The following SYNDIG1 variants were observed in gnomAD, a reference collection of about 807,000 sequenced individuals.
SYNDIG1 encodes the protein synapse differentiation-inducing gene protein 1.
In SYNDIG1, 9 loss-of-function variants were observed where a neutral mutation model predicts 19.4. The ratio of observed to expected loss-of-function variants is 0.46; its 90% CI spans 0.28 to 0.81. The LOEUF is 0.81. Ranked by LOEUF, SYNDIG1 falls within the 30% of genes least tolerant of loss-of-function variation. The pLI is 0.12. For synonymous variants in SYNDIG1, 141 were observed against 145.9 expected (o/e 0.97, Z 0.24); for missense variants, 311 against 343.3 (o/e 0.91, Z 0.74).
intron 1 of SYNDIG1, among the ~76,000 whole-genome samples, chr20:24,505,562 A>AT (rs1216866694): frequency 9.2e-5 from 14 of 152,332 alleles, no homozygotes. Context: ...TTTTAATAAA[A>AT]TTTAAATTGC....
chr20:24,539,640 T>A (rs1317666982), intron 1 of SYNDIG1, among the ~76,000 whole-genome samples: 1 of 152,248 alleles, frequency 6.6e-6, no homozygotes, highest in Non-Finnish European at 1.5e-5. Flanking sequence ...TTGCTACTGA[T>A]CGCACTGAAT....
In SYNDIG1 at chr20:24,517,805, T is replaced by TTA. The variant is rs113490676; in HGVS notation, c.-78-25201_-78-25200dup. Among the ~76,000 whole-genome samples the TTA allele has an allele frequency of 9.9e-3, 1,411 of 143,150 alleles. 26 individuals carry two copies. The highest frequency in any genetic ancestry group is 0.034 in the African/African-American group (1,329 of 38,744). 93.9% of individuals were successfully genotyped at this position (143,150 alleles called of 152,430 possible). A position where few individuals can be genotyped will look rare whatever the true frequency, so the allele number is the denominator to read the frequency against. On this transcript the variant is annotated intron_variant, in intron 1 of 3. Transcript: ENST00000376862. ...CACATTTTTTTTGAAAAAATATTTT[T>TTA]TATATATATATATATTTTGAGAGGG...
intron 1 of SYNDIG1, among the ~76,000 whole-genome samples, chr20:24,481,491 A>T (rs531099103): frequency 6.6e-5 from 10 of 152,324 alleles, no homozygotes; most frequent in Middle Eastern, 3.4e-3. Context: ...GTGAGTGTGA[A>T]CATGGTCAAG....
At chr20:24,586,636 G>A (rs1255996450) in intron 3 of SYNDIG1, among the ~76,000 whole-genome samples, 7 of 152,302 alleles carry the variant, frequency 4.6e-5, no homozygotes, top group East Asian at 1.9e-4. Context: ...ACGCACCCCC[G>A]AAGCCTCCCT....
intron 1 of SYNDIG1, among the ~76,000 whole-genome samples, chr20:24,499,137 G>T (rs2056378261): frequency 6.6e-6 from 1 of 152,186 alleles, no homozygotes; most frequent in Non-Finnish European, 1.5e-5. Context: ...TGATTCTCCT[G>T]CCTCAGCCTC....
intron 2 of SYNDIG1, among the ~76,000 whole-genome samples, chr20:24,557,094 G>A (rs940179816): frequency 5.3e-5 from 8 of 151,756 alleles, no homozygotes; most frequent in Admixed American, 2.6e-4. Context: ...CCACTTGATC[G>A]CATCAGCTCC....
chr20:24,620,138 A>G (rs1247381446), intron 3 of SYNDIG1, among the ~76,000 whole-genome samples: 3 of 152,234 alleles, frequency 2.0e-5, no homozygotes, highest in African/African-American at 7.2e-5. Context: ...AGTATTTTAT[A>G]CACAACTCCA....
intron 3 of SYNDIG1, among the ~76,000 whole-genome samples, chr20:24,653,140 G>A (rs1189129006): frequency 6.6e-6 from 1 of 152,162 alleles, no homozygotes; most frequent in African/African-American, 2.4e-5. Context: ...TTAAGTTATG[G>A]TAAAAGAATA....
intron 1 of SYNDIG1, among the ~76,000 whole-genome samples, chr20:24,485,307 G>A (rs559736468): frequency 2.9e-4 from 44 of 152,338 alleles, no homozygotes; most frequent in African/African-American, 8.7e-4. Context: ...ATCTTCTAGA[G>A]TGTGGTGCTA....
chr20:24,542,163 T>C (rs2057481290), intron 1 of SYNDIG1, among the ~76,000 whole-genome samples: 1 of 141,218 alleles, frequency 7.1e-6, no homozygotes, highest in South Asian at 2.3e-4. Flanking sequence ...TACTCAAAAT[T>C]GAAAAAATTC....
chr20:24,480,128 G>C (rs6083531), intron 1 of SYNDIG1, among the ~76,000 whole-genome samples: 1 of 152,154 alleles, frequency 6.6e-6, no homozygotes, highest in Non-Finnish European at 1.5e-5. Flanking sequence ...CCTCTTCCCA[G>C]CATCCTTCCT....
rs970855140 is a variant in SYNDIG1, at chr20:24,499,638, C to T, written c.-79+29885C>T. ...TAGAAGTGACATGTACGGACTGAGTCGGTCGGTACCTGTCCAGATTCACTG... is the reference window on the plus strand; with the variant it reads ...TAGAAGTGACATGTACGGACTGAGTTGGTCGGTACCTGTCCAGATTCACTG... On this transcript the variant is annotated intron_variant, in intron 1 of 3. Transcript: ENST00000376862. Among the ~76,000 whole-genome samples, 5 of 151,910 alleles carry T rather than the reference C, an allele frequency of 3.3e-5. No individual in the cohort carries two copies. The South Asian group carries it at 6.2e-4, about 19-fold the overall frequency.
chr20:24,493,986 CG>C (rs2056228447), intron 1 of SYNDIG1, among the ~76,000 whole-genome samples: 2 of 152,184 alleles, frequency 1.3e-5, no homozygotes, highest in East Asian at 3.9e-4. Context: ...GGGACAGAGC[CG>C]CGGATACTGG....
intron 1 of SYNDIG1, among the ~76,000 whole-genome samples, chr20:24,490,388 G>T (rs1430443858): frequency 6.6e-6 from 1 of 152,144 alleles, no homozygotes; most frequent in Non-Finnish European, 1.5e-5. Flanking sequence ...AATGAGGAGA[G>T]GCCTAGAGGA....
At chr20:24,603,689 T>C (rs1355069941) in intron 3 of SYNDIG1, among the ~76,000 whole-genome samples, 2 of 151,944 alleles carry the variant, frequency 1.3e-5, no homozygotes, top group African/African-American at 4.8e-5. Context: ...GAGAGTAGAG[T>C]AGACCATCAG....
At chr20:24,499,929 C>T (rs539445124) in intron 1 of SYNDIG1, among the ~76,000 whole-genome samples, 6 of 152,318 alleles carry the variant, frequency 3.9e-5, no homozygotes, top group African/African-American at 7.2e-5. Flanking sequence ...GTAATTTTCA[C>T]GATTCTAATG....
intron 3 of SYNDIG1, among the ~76,000 whole-genome samples, chr20:24,657,662 TG>T (rs903509790): frequency 6.6e-6 from 1 of 152,142 alleles, no homozygotes; most frequent in African/African-American, 2.4e-5. Context: ...AAACGTGTGT[TG>T]GGGGGTCTGC....
intron 1 of SYNDIG1, among the ~76,000 whole-genome samples, chr20:24,539,732 T>C (rs897475545): frequency 4.6e-5 from 7 of 151,940 alleles, no homozygotes; most frequent in Non-Finnish European, 7.4e-5. Context: ...TTCCCATTTA[T>C]TTGTGTCTTC....
chr20:24,607,359 TCA>T (rs1568680667), intron 3 of SYNDIG1, among the ~76,000 whole-genome samples: 1 of 83,826 alleles, frequency 1.2e-5, no homozygotes, highest in African/African-American at 4.3e-5. Context: ...AGACTCCGTC[TCA>T]AAAAAAAAAA....
Sources: allele counts gnomAD v4.1 joint callset (sites outside exome capture counted in the v4.1 genomes callset), GRCh38; gene constraint gnomAD v4.1.1; transcripts MANE v1.5; gene names NCBI Gene and HGNC (gene_info 2026-07-23, HGNC 2026-07-21).